PDE8B: variants seen among roughly 807,000 people sequenced by gnomAD.
The protein encoded by PDE8B is high affinity cAMP-specific and IBMX-insensitive 3',5'-cyclic phosphodiesterase 8B.
In PDE8B, 26 loss-of-function variants were observed where a neutral mutation model predicts 101.3. That is an observed-to-expected ratio of 0.26 (90% confidence interval 0.19 to 0.36). The LOEUF (loss-of-function observed/expected upper bound fraction) is 0.36, where lower values mean the gene tolerates loss of function less well. Among genes scored for constraint, PDE8B ranks in the 10% least tolerant of loss-of-function variants. The pLI is 1.00. For missense variants in PDE8B, 810 were observed against 1,163.1 expected (o/e 0.70, Z 4.42); for synonymous variants, 424 against 429.3 (o/e 0.99, Z 0.15).
intron 14 of PDE8B, chr5:77,411,033 T>G (rs1794468995): frequency 6.5e-6 from 1 of 152,866 alleles, no homozygotes; most frequent in African/African-American, 2.4e-5. Flanking sequence ...TGGGGACTAG[T>G]TCAAGAGCCA....
intron 7 of PDE8B, among the ~76,000 whole-genome samples, chr5:77,347,051 C>T (rs1780268882): frequency 6.6e-6 from 1 of 152,114 alleles, no homozygotes; most frequent in South Asian, 2.1e-4. Flanking sequence ...TCTGTCTATC[C>T]ATCTGTTATC....
At chr5:77,277,167 G>C (rs1302900214) in intron 1 of PDE8B, among the ~76,000 whole-genome samples, 1 of 152,148 alleles carries the variant, frequency 6.6e-6, no homozygotes, top group African/African-American at 2.4e-5. Context: ...TTGGAAAATT[G>C]CATCTATAGA....
At chr5:77,171,514 G>T in the PDE8B span, among the ~76,000 whole-genome samples, 4 of 152,162 alleles carry the variant, frequency 2.6e-5, no homozygotes, top group Non-Finnish European at 5.9e-5. Flanking sequence ...TGTGTATGCT[G>T]GGAGTAGTAA....
intron 1 of PDE8B, among the ~76,000 whole-genome samples, chr5:77,217,540 A>ATT (rs1249299993): frequency 0.013 from 1,849 of 145,130 alleles, 34 homozygotes; most frequent in African/African-American, 0.044. Context: ...GAAAACACCA[A>ATT]TTTTTTTTTT....
chr5:77,353,928 T>G (rs527345350), intron 10 of PDE8B, among the ~76,000 whole-genome samples: 15 of 152,334 alleles, frequency 9.8e-5, no homozygotes, highest in African/African-American at 3.6e-4. Context: ...AGGGCAACAT[T>G]GGTGTAGGTA....
At chr5:77,414,601 T>G (rs1795166703) in intron 17 of PDE8B, among the ~76,000 whole-genome samples, 1 of 151,530 alleles carries the variant, frequency 6.6e-6, no homozygotes, top group South Asian at 2.1e-4. Flanking sequence ...TTTTTTTTTT[T>G]TTGTATTTTT....
chr5:77,096,377 C>T, the PDE8B span, among the ~76,000 whole-genome samples: 1 of 152,098 alleles, frequency 6.6e-6, no homozygotes, highest in Non-Finnish European at 1.5e-5. Context: ...CTGTCTTAGT[C>T]CATTTCATGC....
Position 77,210,819 on chromosome 5 carries a change from C to T in PDE8B, c.-107C>T. On this transcript the variant is annotated 5_prime_UTR_variant, in exon 1 of 22. It introduces an in-frame stop codon into an upstream open reading frame of the 5' UTR. Coordinates refer to ENST00000264917, the MANE Select transcript of PDE8B (RefSeq NM_003719.5). This position sits in a 1 kb window ranked among gnomAD's most constrained non-coding sequence, Gnocchi z 4.9. ...GCGGACACACAGGCCGGGGGGCGCGCAGTCCGGGCGCCGCCGCGGCCGCCC... is the reference window on the plus strand; with the variant it reads ...GCGGACACACAGGCCGGGGGGCGCGTAGTCCGGGCGCCGCCGCGGCCGCCC... The T allele has an allele frequency of 1.0e-6, 1 of 985,998 alleles. No homozygotes were observed. Among genetic ancestry groups the T allele is most frequent in the Non-Finnish European group, 1.2e-6 (1 of 832,196 alleles). 61.1% of individuals were successfully genotyped at this position (985,998 alleles called of 1,614,324 possible). A position where few individuals can be genotyped will look rare whatever the true frequency, so the allele number is the denominator to read the frequency against.
chr5:77,300,755 G>C (rs1183116774), intron 1 of PDE8B, among the ~76,000 whole-genome samples: 1 of 152,168 alleles, frequency 6.6e-6, no homozygotes, highest in Non-Finnish European at 1.5e-5. Flanking sequence ...CAGGCTTCTG[G>C]TGTCTTTGCT....
At chr5:77,186,153 G>C in the PDE8B span, among the ~76,000 whole-genome samples, 25 of 152,208 alleles carry the variant, frequency 1.6e-4, no homozygotes, top group Admixed American at 9.2e-4. Flanking sequence ...CAGCATCACA[G>C]ACAACCCAGA....
the PDE8B span, among the ~76,000 whole-genome samples, chr5:77,194,132 T>G: frequency 6.6e-6 from 1 of 152,202 alleles, no homozygotes; most frequent in Non-Finnish European, 1.5e-5. Context: ...TTCTTTTTCT[T>G]GCTTTATTTT....
intron 1 of PDE8B, among the ~76,000 whole-genome samples, chr5:77,301,219 A>G (rs1347870444): frequency 1.3e-5 from 2 of 152,216 alleles, no homozygotes; most frequent in African/African-American, 4.8e-5. Flanking sequence ...AGCAGGGAAG[A>G]CATTTCACTC....
At chr5:77,268,750 A>G (rs1473957513) in intron 1 of PDE8B, among the ~76,000 whole-genome samples, 1 of 151,558 alleles carries the variant, frequency 6.6e-6, no homozygotes, top group Non-Finnish European at 1.5e-5. Flanking sequence ...ATTCCTAACT[A>G]TCCATCAACA....
intron 1 of PDE8B, chr5:77,291,522 T>C (rs2149947911): frequency 6.2e-7 from 1 of 1,607,082 alleles, no homozygotes; most frequent in Non-Finnish European, 8.5e-7. Flanking sequence ...GGTCTTTGCA[T>C]GGAATACTGA....
chr5:77,158,707 G>A, the PDE8B span, among the ~76,000 whole-genome samples: 234 of 152,090 alleles, frequency 1.5e-3, 1 homozygote, highest in Middle Eastern at 3.2e-3. Context: ...GTTGAAATAG[G>A]CTCCTTCCAG....
intron 19 of PDE8B, among the ~76,000 whole-genome samples, chr5:77,420,558 A>G (rs1364770081): frequency 6.6e-6 from 1 of 152,042 alleles, no homozygotes; most frequent in Non-Finnish European, 1.5e-5. Flanking sequence ...GGCAAACTGG[A>G]TGGATGTGAA....
chr5:77,184,567 A>C, the PDE8B span, among the ~76,000 whole-genome samples: 2 of 152,246 alleles, frequency 1.3e-5, no homozygotes, highest in Non-Finnish European at 2.9e-5. Context: ...ATCTAATATC[A>C]CATGAATTCC....
chr5:77,310,109 C>A (rs1270025464), intron 1 of PDE8B, among the ~76,000 whole-genome samples: 1 of 151,790 alleles, frequency 6.6e-6, no homozygotes, highest in African/African-American at 2.4e-5. Context: ...GCCACCATGC[C>A]CAGCTAATTT....
the PDE8B span, among the ~76,000 whole-genome samples, chr5:77,156,255 T>C: frequency 6.6e-6 from 1 of 152,128 alleles, no homozygotes; most frequent in Non-Finnish European, 1.5e-5. Flanking sequence ...AGAAGGCTGA[T>C]AGGTTGTTGG....
Sources: allele counts gnomAD v4.1 joint callset (sites outside exome capture counted in the v4.1 genomes callset), GRCh38; gene constraint gnomAD v4.1.1; non-coding constraint Gnocchi (gnomAD v3.1); transcripts MANE v1.5; gene names NCBI Gene and HGNC (gene_info 2026-07-23, HGNC 2026-07-21).